The following DST variants were observed in gnomAD, a reference collection of about 807,000 sequenced individuals.
DST encodes the protein dystonin, also known as bullous pemphigoid antigen.
DST carries 253 observed loss-of-function variants against 875.2 expected under a neutral mutation model. The observed-to-expected ratio is 0.29, with a 90% CI of 0.26 to 0.32. DST has a LOEUF of 0.32. Ranked by LOEUF, DST falls within the 10% of genes least tolerant of loss-of-function variation. The probability of loss-of-function intolerance (pLI) is 1.00; values close to 1 mark genes in which losing one functional copy is unlikely to be tolerated. For synonymous variants in DST, 3,124 were observed against 3,197.1 expected (o/e 0.98, Z 0.77); for missense variants, 8,287 against 9,111.6 (o/e 0.91, Z 3.68).
At chr6:56,920,999 C>T (rs1322186103) in intron 2 of DST, among the ~76,000 whole-genome samples, 1 of 150,274 alleles carries the variant, frequency 6.7e-6, no homozygotes, top group Admixed American at 6.7e-5. Flanking sequence ...CCACCTTGAC[C>T]TCCCAAAGTG....
At chr6:56,910,183 T>C (rs979940320) in intron 2 of DST, among the ~76,000 whole-genome samples, 4 of 152,234 alleles carry the variant, frequency 2.6e-5, no homozygotes, top group African/African-American at 9.6e-5. Flanking sequence ...TATTATTTTA[T>C]AGAGATGAGG....
At chr6:56,690,258 T>C (rs2099218982) in intron 9 of DST, among the ~76,000 whole-genome samples, 2 of 152,218 alleles carry the variant, frequency 1.3e-5, no homozygotes, top group African/African-American at 4.8e-5. Flanking sequence ...GCCTATTTCA[T>C]AGAGTTGTTT....
Position 56,476,313 on chromosome 6 carries a change from G to C in DST, c.21700C>G (p.Gln7234Glu). The change falls in exon 92 of 104, where the codon CAG becomes GAG. Residue 7234 changes from glutamine to glutamate, a missense_variant. This residue lies in a region of DST where 1,292 missense variants were observed against 1,552.7 expected (regional missense o/e 0.83). Coordinates refer to ENST00000680361, the MANE Select transcript of DST (RefSeq NM_001374736.1). ...EEVLAWAKQH[Q>E]QRLASALAGL... Reference sequence around the variant, plus strand: ...GCCAGAGCACTTGCTAATCTCTGCTGATGTTGCTTTGCCCAGGCCAGCACC... The same window carrying C: ...GCCAGAGCACTTGCTAATCTCTGCTCATGTTGCTTTGCCCAGGCCAGCACC... 1 of 1,600,542 alleles carries C rather than the reference G, an allele frequency of 6.2e-7. No individual in the cohort carries two copies.
chr6:56,585,861 T>A (rs1281334193), intron 49 of DST, among the ~76,000 whole-genome samples: 1 of 152,226 alleles, frequency 6.6e-6, no homozygotes, highest in Non-Finnish European at 1.5e-5. Context: ...TACCCAGTAG[T>A]CATTCAGGAG....
chr6:56,857,271 G>T (rs1042826937), intron 3 of DST, among the ~76,000 whole-genome samples: 5 of 152,102 alleles, frequency 3.3e-5, no homozygotes, highest in African/African-American at 1.2e-4. Flanking sequence ...TTCTGCCTTG[G>T]CATCTCAAAG....
At chr6:56,576,051 A>T (rs545805022) in intron 50 of DST, among the ~76,000 whole-genome samples, 19 of 152,268 alleles carry the variant, frequency 1.2e-4, no homozygotes, top group African/African-American at 4.6e-4. Context: ...GAGGGGCTGA[A>T]GATTGAGCTG....
intron 9 of DST, among the ~76,000 whole-genome samples, chr6:56,698,529 G>T (rs555632286): frequency 2.0e-5 from 3 of 152,052 alleles, no homozygotes; most frequent in Non-Finnish European, 1.5e-5. Flanking sequence ...GGTTTCACCC[G>T]TTAGCTAGGA....
At chr6:56,486,876 A>C (rs952089123) in intron 87 of DST, among the ~76,000 whole-genome samples, 1 of 152,214 alleles carries the variant, frequency 6.6e-6, no homozygotes, top group East Asian at 1.9e-4. Context: ...CTGAGATGGC[A>C]GAAGCTTGGA....
In DST at chr6:56,640,293, T is replaced by G; in HGVS notation, c.2340A>C (p.Ser780=). ...FPSGLVPNFS[S]GVEPNSLQTL... ...TTTGCAATGAATTTGGCTCTACTCC[T>G]GAACTGAAATTTGGAACTAATCCTG... Residue 780 remains serine (S), a synonymous_variant, in exon 18 of 104, where the codon TCA becomes TCC. Coordinates refer to ENST00000680361, the MANE Select transcript of DST (RefSeq NM_001374736.1). 6.2e-7 allele frequency: 1 copy of G among 1,614,174 alleles called. No individual in the cohort carries two copies. The highest frequency in any genetic ancestry group is 1.6e-4 in the Middle Eastern group (1 of 6,062).
intron 9 of DST, among the ~76,000 whole-genome samples, chr6:56,677,515 C>A (rs1182771316): frequency 6.6e-6 from 1 of 152,100 alleles, no homozygotes; most frequent in Non-Finnish European, 1.5e-5. Flanking sequence ...ACAGGGGTCT[C>A]TTTTTGTTGT....
Position 56,635,020 on chromosome 6 carries a change from A to T in DST, c.3187-67T>A. ...GTACTCTCCATGCCTTCAGCACTTT[A>T]CACAAATTAAACTTCATCAGAAAAG... is the stretch of plus-strand genomic sequence containing the variant. On this transcript the variant is annotated intron_variant, in intron 24 of 103. Coordinates refer to ENST00000680361, the MANE Select transcript of DST (RefSeq NM_001374736.1). 3.0e-6 allele frequency: 4 copies of T among 1,334,686 alleles called. No individual in the cohort carries two copies. In the South Asian group the frequency reaches 4.9e-5, roughly 16 times the overall value. The allele number at this position is 1,334,686 out of a possible 1,614,324, so 82.7% of individuals were successfully genotyped here.
intron 10 of DST, among the ~76,000 whole-genome samples, chr6:56,665,885 G>A (rs1394832964): frequency 6.6e-6 from 1 of 152,112 alleles, no homozygotes; most frequent in Non-Finnish European, 1.5e-5. Context: ...TATTTCACAG[G>A]ATTGTGGTAA....
chr6:56,694,664 A>G (rs1206443611), intron 9 of DST, among the ~76,000 whole-genome samples: 1 of 152,086 alleles, frequency 6.6e-6, no homozygotes, highest in African/African-American at 2.4e-5. Flanking sequence ...CCTTCCCTCC[A>G]TCTCTGCTGA....
intron 90 of DST, 36 bp from the exon 91 acceptor site, chr6:56,477,524 C>T (rs781743364): frequency 6.8e-6 from 11 of 1,612,142 alleles, no homozygotes; most frequent in Non-Finnish European, 9.3e-6. Context: ...TAACTGTTGG[C>T]ATTGGCTGAA....
intron 3 of DST, among the ~76,000 whole-genome samples, chr6:56,886,903 T>A (rs985912762): frequency 2.0e-5 from 3 of 151,942 alleles, no homozygotes; most frequent in African/African-American, 7.3e-5. Context: ...AACACAATCA[T>A]CATCTCAGAA....
intron 47 of DST, among the ~76,000 whole-genome samples, chr6:56,596,986 T>C (rs1563065920): frequency 6.6e-6 from 1 of 152,198 alleles, no homozygotes; most frequent in South Asian, 2.1e-4. Context: ...CTCATGCCTG[T>C]AATCTCACCA....
intron 9 of DST, among the ~76,000 whole-genome samples, chr6:56,686,088 C>CA (rs1313864531): frequency 1.3e-5 from 2 of 152,218 alleles, no homozygotes; most frequent in Non-Finnish European, 2.9e-5. Flanking sequence ...GTGCTACATA[C>CA]AGCCATACCT....
chr6:56,731,845 A>G (rs1483283565), intron 5 of DST, among the ~76,000 whole-genome samples: 1 of 152,160 alleles, frequency 6.6e-6, no homozygotes, highest in African/African-American at 2.4e-5. Context: ...CATAAGTTGC[A>G]AGTTTGGGCT....
At chr6:56,617,583 CAG>C (rs1365128015) in intron 36 of DST, among the ~76,000 whole-genome samples, 1 of 152,034 alleles carries the variant, frequency 6.6e-6, no homozygotes, top group East Asian at 1.9e-4. Flanking sequence ...ATATTATTTT[CAG>C]AGTCTGAATT....
Sources: gnomAD v4.1 joint callset for allele counts (sites outside exome capture counted in the v4.1 genomes callset) on GRCh38, gnomAD v4.1.1 for gene constraint, gnomAD v4.1.1 regional missense constraint, MANE v1.5 for transcripts, NCBI Gene and HGNC (gene_info 2026-07-23, HGNC 2026-07-21) for gene names.